SDK1: variants seen among roughly 807,000 people sequenced by gnomAD.
The protein encoded by SDK1 is sidekick cell adhesion molecule 1.
Under a neutral mutation model 245.5 loss-of-function variants are expected in SDK1, and 157 were observed. The observed-to-expected ratio is 0.64, with a 90% confidence interval of 0.56 to 0.73. The LOEUF is 0.73. Among genes scored for constraint, SDK1 ranks in the 30% least tolerant of loss-of-function variants. The probability of loss-of-function intolerance (pLI) is 0.00; values close to 1 mark genes in which losing one functional copy is unlikely to be tolerated. For synonymous variants in SDK1, 1,647 were observed against 1,278.5 expected (o/e 1.29, Z -6.15); for missense variants, 3,583 against 3,002.3 (o/e 1.19, Z -4.52).
chr7:3,605,316 A>G (rs757208701), intron 1 of SDK1, among the ~76,000 whole-genome samples: 1 of 152,242 alleles, frequency 6.6e-6, no homozygotes, highest in Non-Finnish European at 1.5e-5. Context: ...AGGAGAAAGC[A>G]TACGTAGCTC....
chr7:4,255,391 C>T lies in SDK1; in HGVS notation c.6381+9586C>T, dbSNP rs142565657. Among the ~76,000 whole-genome samples, 460 of 152,284 alleles carry T rather than the reference C, an allele frequency of 3.0e-3. 4 individuals carry two copies. The highest frequency in any genetic ancestry group is 0.011 in the African/African-American group (440 of 41,554). On this transcript the variant is annotated intron_variant, in intron 44 of 44. Coordinates refer to ENST00000404826, the MANE Select transcript of SDK1 (RefSeq NM_152744.4). Reference sequence around the variant, plus strand: ...ATCAAAGTGGAGGTGAGGACAATAGCCTTCTTCTTCCATAGTGACACACCC... The same window carrying T: ...ATCAAAGTGGAGGTGAGGACAATAGTCTTCTTCTTCCATAGTGACACACCC...
intron 10 of SDK1, among the ~76,000 whole-genome samples, chr7:3,968,865 G>A (rs540221722): frequency 1.3e-5 from 2 of 152,250 alleles, no homozygotes; most frequent in South Asian, 2.1e-4. Context: ...CTGAGACTGG[G>A]CAATTTACAA....
At chr7:4,135,873 C>T (rs1353893948) in intron 28 of SDK1, among the ~76,000 whole-genome samples, 13 of 152,176 alleles carry the variant, frequency 8.5e-5, no homozygotes, top group African/African-American at 3.1e-4. Flanking sequence ...ATTGGGGGCT[C>T]AGCCTGGTCC....
At chr7:3,798,366 C>A (rs11982518) in intron 4 of SDK1, among the ~76,000 whole-genome samples, 1 of 151,742 alleles carries the variant, frequency 6.6e-6, no homozygotes. Context: ...TACAGGCGCC[C>A]GCCACCACGC....
chr7:3,654,727 G>T (rs900720103), intron 4 of SDK1, among the ~76,000 whole-genome samples: 9 of 152,188 alleles, frequency 5.9e-5, no homozygotes, highest in Admixed American at 3.9e-4. Context: ...CAAGAGCATG[G>T]GGGATGGGGA....
intron 5 of SDK1, among the ~76,000 whole-genome samples, chr7:3,905,552 C>T (rs1044061892): frequency 1.3e-5 from 2 of 152,086 alleles, no homozygotes; most frequent in African/African-American, 4.8e-5. Context: ...TCTACAGTTT[C>T]ACTAGGTAGT....
At chr7:3,631,270 G>C (rs183736291) in intron 2 of SDK1, among the ~76,000 whole-genome samples, 1 of 151,898 alleles carries the variant, frequency 6.6e-6, no homozygotes, top group African/African-American at 2.4e-5. Context: ...TTAATCTATT[G>C]AGCTCTCTCT....
chr7:4,016,468 T>G (rs1786407190), intron 16 of SDK1, among the ~76,000 whole-genome samples: 1 of 152,234 alleles, frequency 6.6e-6, no homozygotes, highest in African/African-American at 2.4e-5. Flanking sequence ...AATAATACAA[T>G]GCAAATCTTC....
intron 25 of SDK1, among the ~76,000 whole-genome samples, chr7:4,116,236 G>A (rs1783700844): frequency 6.6e-6 from 1 of 152,162 alleles, no homozygotes; most frequent in African/African-American, 2.4e-5. Flanking sequence ...CCTGGGCGGT[G>A]CCACCCCCTC....
rs187472054 is a variant in SDK1, at chr7:3,832,190, T to C, written c.847+10607T>C. 2.9e-3 allele frequency among the ~76,000 whole-genome samples: 444 copies of C among 152,340 alleles called. 2 individuals carry two copies. The highest frequency in any genetic ancestry group is 0.02 in the Middle Eastern group (6 of 294). ...CAACAAGTTACTTTCACTAATCTTA[T>C]GCAGTTGATTACGTGGGTTAGTTTT... On this transcript the variant is annotated intron_variant, in intron 5 of 44. Coordinates refer to ENST00000404826, the MANE Select transcript of SDK1 (RefSeq NM_152744.4).
At chr7:3,359,791 T>A (rs11983447) in intron 1 of SDK1, among the ~76,000 whole-genome samples, 90,906 of 151,420 alleles carry the variant, frequency 0.6, 28,186 homozygotes, top group African/African-American at 0.77. Context: ...GGATGTGACA[T>A]TCCAGGGCAT....
At chr7:3,495,138 G>GT (rs1182181666) in intron 1 of SDK1, among the ~76,000 whole-genome samples, 14 of 151,742 alleles carry the variant, frequency 9.2e-5, no homozygotes, top group African/African-American at 3.4e-4. Flanking sequence ...AAACTGCAGT[G>GT]TAACAGCGCT....
intron 1 of SDK1, among the ~76,000 whole-genome samples, chr7:3,441,021 AATG>A (rs1480172182): frequency 6.6e-5 from 10 of 152,194 alleles, no homozygotes; most frequent in Non-Finnish European, 1.2e-4. Context: ...GTAGTAGCCT[AATG>A]CTGCGTCACA....
intron 1 of SDK1, among the ~76,000 whole-genome samples, chr7:3,591,886 C>G (rs13240514): frequency 0.012 from 1,830 of 152,250 alleles, 27 homozygotes; most frequent in Non-Finnish European, 0.018. Context: ...ATACAGGGAA[C>G]CTGGGGTGGT....
At chr7:3,806,685 A>G (rs181427228) in intron 4 of SDK1, among the ~76,000 whole-genome samples, 2 of 152,262 alleles carry the variant, frequency 1.3e-5, no homozygotes, top group Admixed American at 1.3e-4. Context: ...ATCACAACCT[A>G]TGAAACCACG....
At chr7:3,997,957 G>A (rs1321709960) in intron 14 of SDK1, among the ~76,000 whole-genome samples, 2 of 152,346 alleles carry the variant, frequency 1.3e-5, no homozygotes, top group Non-Finnish European at 1.5e-5. Flanking sequence ...CCAAGCCTGC[G>A]AGGGCAGGGG....
intron 4 of SDK1, among the ~76,000 whole-genome samples, chr7:3,645,282 A>G (rs550343716): frequency 3.9e-5 from 6 of 152,346 alleles, no homozygotes; most frequent in Non-Finnish European, 8.8e-5. Context: ...AGCTGTTGGT[A>G]AATCTCTAAT....
At chr7:3,779,769 G>A (rs1020622658) in intron 4 of SDK1, among the ~76,000 whole-genome samples, 1 of 151,220 alleles carries the variant, frequency 6.6e-6, no homozygotes. Context: ...CGTCTCTACT[G>A]GAAATACAAA....
intron 1 of SDK1, among the ~76,000 whole-genome samples, chr7:3,424,738 A>T (rs1268487609): frequency 2.0e-5 from 3 of 152,072 alleles, no homozygotes; most frequent in Non-Finnish European, 4.4e-5. Context: ...CTCTACAAAA[A>T]ATAAAAAAAC....
Sources: allele counts gnomAD v4.1 joint callset (sites outside exome capture counted in the v4.1 genomes callset), GRCh38; gene constraint gnomAD v4.1.1; transcripts MANE v1.5; gene names NCBI Gene and HGNC (gene_info 2026-07-23, HGNC 2026-07-21).